NOX4: variants seen among roughly 807,000 people sequenced by gnomAD.
The protein encoded by NOX4 is NADPH oxidase 4.
In NOX4, 69 loss-of-function variants were observed where a neutral mutation model predicts 87.6. The ratio of observed to expected loss-of-function variants is 0.79; its 90% CI spans 0.65 to 0.96. NOX4 has a LOEUF of 0.96. NOX4 is among the 40% of genes least tolerant of loss of function. The pLI is 0.00. For synonymous variants in NOX4, 275 were observed against 238.2 expected, an observed-to-expected ratio of 1.15 and a Z score of -1.42; for missense variants, 680 against 681.5, an observed-to-expected ratio of 1.00 and a Z score of 0.02.
chr11:89,511,033 A>T, the NOX4 span, among the ~76,000 whole-genome samples: 1 of 152,064 alleles, frequency 6.6e-6, no homozygotes, highest in Non-Finnish European at 1.5e-5. Context: ...TTTTCTAAAC[A>T]TAATTCTTTG....
chr11:89,573,456 G>A, the NOX4 span, among the ~76,000 whole-genome samples: 2 of 152,302 alleles, frequency 1.3e-5, no homozygotes, highest in Non-Finnish European at 1.5e-5. Context: ...GGAGAGTGGT[G>A]CAAACCCGGG....
At chr11:89,578,768 G>A in the NOX4 span, among the ~76,000 whole-genome samples, 2 of 152,050 alleles carry the variant, frequency 1.3e-5, no homozygotes, top group African/African-American at 4.8e-5. Context: ...TATTCCTGTG[G>A]GTACAATCTA....
At chr11:89,417,613 T>C (rs1942856356) in intron 8 of NOX4, among the ~76,000 whole-genome samples, 1 of 152,136 alleles carries the variant, frequency 6.6e-6, no homozygotes, top group Admixed American at 6.6e-5. Context: ...TTTCACTATG[T>C]TCATCAAATT....
chr11:89,491,473 C>T (rs951780619), upstream of NOX4: 6 of 512,452 alleles, frequency 1.2e-5, no homozygotes, highest in East Asian at 1.7e-4. Flanking sequence ...ACCGGGTCAG[C>T]TCTGCCCACT....
At chr11:89,509,098 T>C in the NOX4 span, among the ~76,000 whole-genome samples, 6 of 151,994 alleles carry the variant, frequency 3.9e-5, no homozygotes, top group Admixed American at 3.3e-4. Flanking sequence ...CTCAAAAAAA[T>C]TGAATCAGAA....
At position 89,491,208 on chromosome 11, in the gene NOX4, C is replaced by A; in HGVS notation, c.39G>T (p.Gly13=). ...ATCCTACCAGGCAGAGGTGTTTAAC[C>A]CCTTCGTTGGCGAGCCAGCTCCTCC... ...VSWRSWLANE[G]VKHLCLFIWL... Residue 13 remains glycine, a synonymous_variant, in exon 1 of 18, where the codon GGG becomes GGT. Coordinates refer to ENST00000263317, the MANE Select transcript of NOX4 (RefSeq NM_016931.5). 6.2e-7 allele frequency: 1 copy of A among 1,613,882 alleles called. No individual in the cohort carries two copies. Among genetic ancestry groups the A allele is most frequent in the Non-Finnish European group, 8.5e-7 (1 of 1,179,910 alleles).
In NOX4 at chr11:89,459,680, A is replaced by T. The variant is rs370725457; in HGVS notation, c.154-7785T>A. Among the ~76,000 whole-genome samples the T allele has an allele frequency of 3.9e-4, 59 of 152,272 alleles. No homozygotes were observed. The East Asian group carries it at 0.011, about 28-fold the overall frequency. ...AAAGAGGATACAAACAAATGGAAGA[A>T]CATTCCATGCTCATGGGTAGGAAGA... On this transcript the variant is annotated intron_variant, in intron 2 of 17. Coordinates refer to ENST00000263317, the MANE Select transcript of NOX4 (RefSeq NM_016931.5).
At chr11:89,464,437 C>T (rs1453162137) in intron 2 of NOX4, among the ~76,000 whole-genome samples, 2 of 152,006 alleles carry the variant, frequency 1.3e-5, no homozygotes, top group Non-Finnish European at 2.9e-5. Context: ...GGAGACGGAC[C>T]CATTTTTAAG....
At chr11:89,333,443 C>T (rs1945560511) in intron 17 of NOX4, among the ~76,000 whole-genome samples, 1 of 151,402 alleles carries the variant, frequency 6.6e-6, no homozygotes, top group East Asian at 1.9e-4. Flanking sequence ...CACTCTCACA[C>T]AAACTTACAA....
At chr11:89,409,043 T>C (rs1169294464) in intron 8 of NOX4, among the ~76,000 whole-genome samples, 2 of 152,112 alleles carry the variant, frequency 1.3e-5, no homozygotes, top group Admixed American at 6.6e-5. Context: ...AAATAGTACC[T>C]GTTCCTCTGT....
intron 5 of NOX4, 104 bp downstream of exon 5, chr11:89,444,031 C>T: frequency 1.1e-6 from 1 of 880,270 alleles, no homozygotes; most frequent in Non-Finnish European, 1.8e-6. Flanking sequence ...TTTAAAAGCA[C>T]TCAAAAGGAG....
chr11:89,367,449 T>C (rs892700947), intron 12 of NOX4, among the ~76,000 whole-genome samples: 1 of 152,148 alleles, frequency 6.6e-6, no homozygotes, highest in African/African-American at 2.4e-5. Flanking sequence ...TTCGCAGCAA[T>C]ATGTACCATC....
At chr11:89,579,834 A>G in the NOX4 span, among the ~76,000 whole-genome samples, 1 of 152,086 alleles carries the variant, frequency 6.6e-6, no homozygotes, top group South Asian at 2.1e-4. Context: ...AAGTAGATGT[A>G]TATGATGTTG....
intron 8 of NOX4, among the ~76,000 whole-genome samples, chr11:89,407,941 T>C (rs1185388401): frequency 6.6e-6 from 1 of 151,838 alleles, no homozygotes; most frequent in African/African-American, 2.4e-5. Context: ...AAAAAAATTC[T>C]TATCCCTTAG....
At chr11:89,465,476 T>A (rs957813367) in intron 2 of NOX4, among the ~76,000 whole-genome samples, 1 of 152,222 alleles carries the variant, frequency 6.6e-6, no homozygotes, top group Non-Finnish European at 1.5e-5. Context: ...GAATGATTTA[T>A]AACCCTTTGG....
At chr11:89,551,721 C>T in the NOX4 span, among the ~76,000 whole-genome samples, 1 of 152,052 alleles carries the variant, frequency 6.6e-6, no homozygotes, top group Non-Finnish European at 1.5e-5. Flanking sequence ...TCTAAATATA[C>T]AATCATGTCA....
intron 2 of NOX4, among the ~76,000 whole-genome samples, chr11:89,479,313 C>T (rs775048105): frequency 1.3e-5 from 2 of 152,048 alleles, no homozygotes; most frequent in Non-Finnish European, 2.9e-5. Flanking sequence ...TGGATCACTG[C>T]CACTCCAGAT....
chr11:89,466,992 T>C (rs1945723054), intron 2 of NOX4, among the ~76,000 whole-genome samples: 1 of 152,074 alleles, frequency 6.6e-6, no homozygotes, highest in African/African-American at 2.4e-5. Context: ...TGAAGGGTAA[T>C]GGAACATAAA....
At position 89,432,745 on chromosome 11, in the gene NOX4, T is replaced by C. The variant is rs540807644; in HGVS notation, c.548+39A>G. The stretch of plus-strand genomic sequence containing the variant: ...TACTCAAGACTTTTTCTAAATAACC[T>C]GACAGATACACATCAAAATAATTGA... On this transcript the variant is annotated intron_variant, in intron 7 of 17. Coordinates refer to ENST00000263317, the MANE Select transcript of NOX4 (RefSeq NM_016931.5). 20 of 1,418,128 alleles carry C rather than the reference T, an allele frequency of 1.4e-5. No individual in the cohort carries two copies. In the African/African-American group the frequency reaches 2.7e-4, roughly 19 times the overall value. 87.8% of individuals were successfully genotyped at this position (1,418,128 alleles called of 1,614,324 possible). A position where few individuals can be genotyped will look rare whatever the true frequency, so the allele number is the denominator to read the frequency against.
Sources: allele counts gnomAD v4.1 joint callset (sites outside exome capture counted in the v4.1 genomes callset), GRCh38; gene constraint gnomAD v4.1.1; transcripts MANE v1.5; gene names NCBI Gene and HGNC (gene_info 2026-07-23, HGNC 2026-07-21).